PCDHA3: variants seen among roughly 807,000 people sequenced by gnomAD.
The protein encoded by PCDHA3 is protocadherin alpha 3, also known as protocadherin alpha-3.
A neutral mutation model predicts 62.2 loss-of-function variants in PCDHA3; 41 were observed. The ratio of observed to expected loss-of-function variants is 0.66; its 90% CI spans 0.51 to 0.86. The LOEUF (loss-of-function observed/expected upper bound fraction) is 0.86. Ranked by LOEUF, PCDHA3 falls within the 40% of genes least tolerant of loss-of-function variation. PCDHA3 has a pLI of 0.00. For synonymous variants in PCDHA3, 640 were observed against 555.4 expected, an observed-to-expected ratio of 1.15 and a Z score of -2.14; for missense variants, 1,304 against 1,241.2, an observed-to-expected ratio of 1.05 and a Z score of -0.76.
intron 1 of PCDHA3, chr5:140,882,334 A>G: frequency 1.2e-6 from 2 of 1,614,176 alleles, no homozygotes; most frequent in Non-Finnish European, 1.7e-6. Flanking sequence ...TGATCCTCGC[A>G]GCCTGGGAGA....
chr5:140,967,745 G>A, intron 1 of PCDHA3: 1 of 1,614,184 alleles, frequency 6.2e-7, no homozygotes, highest in Non-Finnish European at 8.5e-7. Flanking sequence ...GGATTATGAG[G>A]AAGCCTCCTC....
chr5:140,824,752 G>A (rs1768348578), intron 1 of PCDHA3: 1 of 150,996 alleles, frequency 6.6e-6, no homozygotes, highest in African/African-American at 2.4e-5. Context: ...GAGCAAGAGT[G>A]CCTGGCCTAT....
chr5:140,842,111 C>T, intron 1 of PCDHA3: 1 of 1,613,876 alleles, frequency 6.2e-7, no homozygotes, highest in Non-Finnish European at 8.5e-7. Context: ...AGTTATCAAA[C>T]TGAATGCTTC....
chr5:140,827,089 C>T (rs1421752158), intron 1 of PCDHA3, among the ~76,000 whole-genome samples: 1 of 152,092 alleles, frequency 6.6e-6, no homozygotes, highest in Non-Finnish European at 1.5e-5. Context: ...AAACTATTTT[C>T]TAGGAGTCAG....
At chr5:140,933,692 C>T (rs2089349269) in intron 1 of PCDHA3, among the ~76,000 whole-genome samples, 1 of 151,798 alleles carries the variant, frequency 6.6e-6, no homozygotes, top group African/African-American at 2.4e-5. Context: ...TTTCCTATTC[C>T]TCGGACACAT....
chr5:140,915,887 TC>T (rs1276492784), intron 1 of PCDHA3, among the ~76,000 whole-genome samples: 1 of 152,078 alleles, frequency 6.6e-6, no homozygotes, highest in African/African-American at 2.4e-5. Context: ...GGTAGCAAGT[TC>T]CCCCTGGCCC....
intron 1 of PCDHA3, chr5:140,861,198 G>A: frequency 6.1e-6 from 1 of 162,948 alleles, no homozygotes; most frequent in Non-Finnish European, 1.3e-5. Context: ...ATGAAATATT[G>A]TTTTACTAAC....
In PCDHA3 at chr5:140,855,370, A is replaced by C. The variant is rs1007316942; in HGVS notation, c.2394+51779A>C. Among the ~76,000 whole-genome samples the C allele has an allele frequency of 2.7e-5, 4 of 150,058 alleles. 1 individual carries two copies. Among genetic ancestry groups the C allele is most frequent in the Non-Finnish European group, 6.0e-5 (4 of 67,120 alleles). On this transcript the variant is annotated intron_variant, in intron 1 of 3. Transcript: ENST00000522353. ...AGTCATGTGGCTAGTGAGTAGGATA[A>C]TAGGAATCTAAATGGAGAAATGTCT...
chr5:140,862,489 C>T (rs1385240823), intron 1 of PCDHA3: 1 of 384,600 alleles, frequency 2.6e-6, no homozygotes, highest in Non-Finnish European at 5.2e-6. Context: ...TGTTGGTAAT[C>T]GCTCGGAATG....
chr5:140,917,483 G>C (rs1237773555), intron 1 of PCDHA3, among the ~76,000 whole-genome samples: 1 of 152,152 alleles, frequency 6.6e-6, no homozygotes, highest in Non-Finnish European at 1.5e-5. Flanking sequence ...CTTTGCCAGG[G>C]CCTATGCCCA....
chr5:140,832,092 A>T, intron 1 of PCDHA3, among the ~76,000 whole-genome samples: 1 of 152,240 alleles, frequency 6.6e-6, no homozygotes, highest in East Asian at 1.9e-4. Flanking sequence ...TTTAAATGCC[A>T]TGTTCTACAT....
At position 140,851,036 on chromosome 5, in the gene PCDHA3, T is replaced by A; in HGVS notation, c.2394+47445T>A. On this transcript the variant is annotated intron_variant, in intron 1 of 3. Coordinates refer to ENST00000522353, the MANE Select transcript of PCDHA3 (RefSeq NM_018906.3). ...TTCTGATAAAGTAAACCCCTTAACA[T>A]TGGAGCCGACTTTGTCTTGACTTCT... 2 of 1,401,900 alleles carry A rather than the reference T, an allele frequency of 1.4e-6. 1 individual carries two copies. The highest frequency in any genetic ancestry group is 1.9e-6 in the Non-Finnish European group (2 of 1,068,406). The allele number at this position is 1,401,900 out of a possible 1,614,324, so 86.8% of individuals were successfully genotyped here.
intron 1 of PCDHA3, chr5:140,857,104 TTC>T: frequency 6.3e-7 from 1 of 1,597,962 alleles, no homozygotes; most frequent in Non-Finnish European, 8.6e-7. Flanking sequence ...TGATTGTCAC[TTC>T]TCTGTCTCTC....
rs2150441270 is a variant in PCDHA3, at chr5:140,849,579, G to A, written c.2394+45988G>A. ...AACGCTCTCGGTTCCTGTAAAAGAG[G>A]ACGCACAACTGGGGACAGTTATTGC... On this transcript the variant is annotated intron_variant, in intron 1 of 3. Coordinates refer to ENST00000522353, the MANE Select transcript of PCDHA3 (RefSeq NM_018906.3). 7 of 1,598,680 alleles carry A rather than the reference G, an allele frequency of 4.4e-6. 3 individuals carry two copies. The highest frequency in any genetic ancestry group is 2.2e-5 in the South Asian group (2 of 90,552).
At chr5:140,913,857 T>C (rs1374392004) in intron 1 of PCDHA3, among the ~76,000 whole-genome samples, 3 of 152,208 alleles carry the variant, frequency 2.0e-5, no homozygotes, top group Admixed American at 6.5e-5. Context: ...CAGGAGCATA[T>C]TGTTTAATTT....
intron 1 of PCDHA3, among the ~76,000 whole-genome samples, chr5:140,937,326 C>A (rs1287239556): frequency 2.0e-5 from 3 of 152,046 alleles, no homozygotes; most frequent in African/African-American, 7.2e-5. Flanking sequence ...CGTGAGCCAC[C>A]GCGCCCGGCT....
intron 1 of PCDHA3, chr5:140,805,239 T>A (rs1352814406): frequency 1.2e-5 from 16 of 1,347,520 alleles, no homozygotes; most frequent in Non-Finnish European, 9.5e-7. Flanking sequence ...GCATTCCCCA[T>A]CTGTACATTA....
intron 1 of PCDHA3, among the ~76,000 whole-genome samples, chr5:140,917,823 G>A (rs1167187844): frequency 6.6e-5 from 10 of 151,920 alleles, no homozygotes; most frequent in African/African-American, 1.9e-4. Context: ...AAGTTGGGTA[G>A]TGTGATGTCC....
chr5:140,914,510 A>G (rs900880100), intron 1 of PCDHA3, among the ~76,000 whole-genome samples: 1 of 152,100 alleles, frequency 6.6e-6, no homozygotes, highest in Non-Finnish European at 1.5e-5. Context: ...TCATTGGGTC[A>G]TGTTTTTTCA....
Sources: allele counts gnomAD v4.1 joint callset (sites outside exome capture counted in the v4.1 genomes callset), GRCh38; gene constraint gnomAD v4.1.1; transcripts MANE v1.5; gene names NCBI Gene and HGNC (gene_info 2026-07-23, HGNC 2026-07-21).